MAP3K9: variants seen among roughly 807,000 people sequenced by gnomAD.
MAP3K9 encodes the protein mitogen-activated protein kinase kinase kinase 9.
MAP3K9 carries 46 observed loss-of-function variants against 95.8 expected under a neutral mutation model. The observed-to-expected ratio is 0.48, with a 90% CI of 0.38 to 0.61. The LOEUF is 0.61. MAP3K9 is among the 20% of genes least tolerant of loss of function. MAP3K9 has a pLI of 0.00. For missense variants in MAP3K9, 1,296 were observed against 1,474.3 expected, an observed-to-expected ratio of 0.88 and a Z score of 1.98; for synonymous variants, 533 against 593.8, an observed-to-expected ratio of 0.90 and a Z score of 1.49.
chr14:70,742,327 C>G (rs901324005), intron 6 of MAP3K9, 24 bp downstream of exon 6: 1 of 1,608,472 alleles, frequency 6.2e-7, no homozygotes, highest in South Asian at 1.1e-5. Flanking sequence ...GCTCCCACTT[C>G]CCAGCCAGTC....
intron 2 of MAP3K9, among the ~76,000 whole-genome samples, chr14:70,782,754 C>G (rs55717811): frequency 0.35 from 52,538 of 152,002 alleles, 9,773 homozygotes; most frequent in African/African-American, 0.45. Context: ...ATGTCCATTG[C>G]ATGGGGAAGA....
At chr14:70,739,546 A>C (rs58162675) in intron 7 of MAP3K9, among the ~76,000 whole-genome samples, 1 of 151,224 alleles carries the variant, frequency 6.6e-6, no homozygotes, top group South Asian at 2.1e-4. Flanking sequence ...ATGTGTGAGT[A>C]TTTTTTTTAA....
chr14:70,808,253 G>A (rs1423808232), intron 1 of MAP3K9, among the ~76,000 whole-genome samples: 1 of 152,216 alleles, frequency 6.6e-6, no homozygotes, highest in Non-Finnish European at 1.5e-5. Context: ...GTTCACACAT[G>A]CTTCCGGGAC....
intron 7 of MAP3K9, among the ~76,000 whole-genome samples, chr14:70,738,750 A>G (rs1196300665): frequency 2.6e-5 from 4 of 152,112 alleles, no homozygotes; most frequent in South Asian, 2.1e-4. Context: ...GTAAGGGGGG[A>G]AAAAAGACAA....
At position 70,800,962 on chromosome 14, in the gene MAP3K9, G is replaced by A. The variant is rs200295742; in HGVS notation, c.525C>T (p.His175=). Residue 175 remains histidine, a synonymous_variant, in exon 2 of 12, where the codon CAC becomes CAT. Coordinates refer to ENST00000554752, the MANE Select transcript of MAP3K9 (RefSeq NM_001284230.2). ...GDEVAVKAAR[H]DPDEDISQTI... is the part of the protein sequence containing the mutation. ...TCTGGCTGATGTCCTCATCAGGGTCGTGGCGAGCTGCTTTCACAGCAACCT... is the reference window on the plus strand; with the variant it reads ...TCTGGCTGATGTCCTCATCAGGGTCATGGCGAGCTGCTTTCACAGCAACCT... The A allele has an allele frequency of 1.6e-5, 26 of 1,614,144 alleles. No homozygotes were observed. Among genetic ancestry groups the A allele is most frequent in the Non-Finnish European group, 2.1e-5 (25 of 1,180,040 alleles).
rs1171296299 is a variant in MAP3K9, at chr14:70,800,948, T to G, written c.539A>C (p.Asp180Ala). The G allele has an allele frequency of 1.2e-6, 2 of 1,614,056 alleles. No homozygotes were observed. Among genetic ancestry groups the G allele is most frequent in the African/African-American group, 2.7e-5 (2 of 74,914 alleles). ...AACATTCTCTATGGTCTGGCTGATG[T>G]CCTCATCAGGGTCGTGGCGAGCTGC... ...VKAARHDPDE[D>A]ISQTIENVRQ... is the part of the protein sequence containing the mutation. Residue 180 changes from aspartate to alanine, a missense_variant, in exon 2 of 12, where the codon GAC (aspartate) becomes GCC (alanine). By Grantham distance (126) the Asp-to-Ala change is moderately radical (BLOSUM62 -2). Coordinates refer to ENST00000554752, the MANE Select transcript of MAP3K9 (RefSeq NM_001284230.2).
intron 2 of MAP3K9, among the ~76,000 whole-genome samples, chr14:70,790,757 G>A (rs1171001581): frequency 2.0e-5 from 3 of 152,098 alleles, no homozygotes; most frequent in African/African-American, 4.8e-5. Flanking sequence ...GTATTGAAGG[G>A]GACTCCACAG....
Position 70,733,259 on chromosome 14 carries a change from G to C in MAP3K9, c.2110C>G (p.Pro704Ala), listed in dbSNP as rs751427569. 9 of 1,612,254 alleles carry C rather than the reference G, an allele frequency of 5.6e-6. No homozygotes were observed. In the African/African-American group the frequency reaches 1.1e-4, roughly 19 times the overall value. The change falls in exon 11 of 12, where the codon CCT becomes GCT. Residue 704 changes from proline to alanine, a missense_variant. Pro to Ala is a conservative substitution (Grantham distance 27). This residue lies in a region of MAP3K9 where 377 missense variants were observed against 417.1 expected (regional missense o/e 0.90). Transcript: ENST00000554752. Reference sequence around the variant, plus strand: ...GGGCCATCGCCATCCTCTCCACGAGGGAATGGGATACAGAGGTAGGACTGG... The same window carrying C: ...GGGCCATCGCCATCCTCTCCACGAGCGAATGGGATACAGAGGTAGGACTGG... ...PSQSYLCIPF[P>A]RGEDGDGPSS...
intron 1 of MAP3K9, among the ~76,000 whole-genome samples, chr14:70,801,523 A>G (rs1295642112): frequency 6.6e-6 from 1 of 152,156 alleles, no homozygotes; most frequent in Non-Finnish European, 1.5e-5. Context: ...AAGTGCTGGG[A>G]TTACAGGCAT....
chr14:70,738,208 T>A (rs762925654), intron 8 of MAP3K9, 37 bp downstream of exon 8: 1 of 1,579,744 alleles, frequency 6.3e-7, no homozygotes, highest in South Asian at 1.2e-5. Context: ...ACATCCATCT[T>A]CAAGAGAGAA....
intron 2 of MAP3K9, among the ~76,000 whole-genome samples, chr14:70,786,194 T>C (rs2054742912): frequency 6.6e-6 from 1 of 152,176 alleles, no homozygotes; most frequent in Admixed American, 6.5e-5. Context: ...CTGCTGTGCA[T>C]TTGGGCAAAG....
chr14:70,756,110 C>T (rs2054294974), intron 3 of MAP3K9, among the ~76,000 whole-genome samples: 1 of 152,166 alleles, frequency 6.6e-6, no homozygotes, highest in Non-Finnish European at 1.5e-5. Flanking sequence ...AGGTCCTGCC[C>T]TTGTTCTTTC....
intron 2 of MAP3K9, among the ~76,000 whole-genome samples, chr14:70,774,393 C>T (rs1397901042): frequency 1.3e-5 from 2 of 152,166 alleles, no homozygotes; most frequent in African/African-American, 2.4e-5. Context: ...AGGCTGGGCG[C>T]GGTGGCTCAC....
At chr14:70,783,672 A>G (rs1018975158) in intron 2 of MAP3K9, among the ~76,000 whole-genome samples, 5 of 152,238 alleles carry the variant, frequency 3.3e-5, no homozygotes, top group African/African-American at 7.2e-5. Context: ...GTATTCATCT[A>G]AAAGTGTTAA....
intron 10 of MAP3K9, among the ~76,000 whole-genome samples, chr14:70,733,583 C>A (rs1468440753): frequency 6.6e-6 from 1 of 152,210 alleles, no homozygotes; most frequent in African/African-American, 2.4e-5. Context: ...AATAAAAGAT[C>A]CGCTAATTTG....
chr14:70,763,113 C>G (rs979706671), intron 2 of MAP3K9, among the ~76,000 whole-genome samples: 1 of 152,208 alleles, frequency 6.6e-6, no homozygotes, highest in Admixed American at 6.5e-5. Context: ...TAAACTTCTA[C>G]CACTGACAAA....
At chr14:70,752,614 A>C (rs953506579) in intron 3 of MAP3K9, among the ~76,000 whole-genome samples, 10 of 152,130 alleles carry the variant, frequency 6.6e-5, no homozygotes, top group African/African-American at 1.2e-4. Flanking sequence ...GTTATCCTCC[A>C]TTGCTTGCTC....
chr14:70,767,662 G>A (rs117233769), intron 2 of MAP3K9, among the ~76,000 whole-genome samples: 1,593 of 152,150 alleles, frequency 0.01, 19 homozygotes, highest in Non-Finnish European at 0.017. Context: ...ACGGCCTTTC[G>A]CCTTCTATAA....
intron 8 of MAP3K9, among the ~76,000 whole-genome samples, chr14:70,737,710 T>C (rs1179782628): frequency 6.6e-6 from 1 of 152,218 alleles, no homozygotes; most frequent in Admixed American, 6.5e-5. Context: ...GAGAGTCCTG[T>C]TAACTTCTGC....
Sources: gnomAD v4.1 joint callset for allele counts (sites outside exome capture counted in the v4.1 genomes callset) on GRCh38, gnomAD v4.1.1 for gene constraint, gnomAD v4.1.1 regional missense constraint, MANE v1.5 for transcripts, NCBI Gene and HGNC (gene_info 2026-07-23, HGNC 2026-07-21) for gene names.